PRDM11: variants seen among roughly 807,000 people sequenced by gnomAD.
PRDM11 encodes the protein PR domain-containing protein 11.
In PRDM11, 20 loss-of-function variants were observed where a neutral mutation model predicts 97.8. The observed-to-expected ratio is 0.20, with a 90% CI of 0.14 to 0.30. The LOEUF is 0.30. PRDM11 is among the 10% of genes least tolerant of loss of function. The pLI is 1.00. For missense variants in PRDM11, 1,139 were observed against 1,555.2 expected (o/e 0.73, Z 4.50); for synonymous variants, 599 against 637.7 (o/e 0.94, Z 0.91).
chr11:45,099,300 A>G (rs563953356), intron 1 of PRDM11, among the ~76,000 whole-genome samples: 1 of 152,000 alleles, frequency 6.6e-6, no homozygotes, highest in Non-Finnish European at 1.5e-5. Flanking sequence ...TAAAGATACA[A>G]AAAAATTAGG....
chr11:45,183,054 C>T lies in PRDM11; in HGVS notation c.417C>T (p.Gly139=). ...VRCVNEVIPK[G]HIFGPYEGQI... is the part of the protein sequence containing the mutation. ...GTGTAAACGAGGTCATCCCCAAGGG[C>T]CACATCTTCGGCCCCTATGAGGGGC... Residue 139 remains glycine (G), a synonymous_variant, in exon 4 of 8, where the codon GGC becomes GGT. Coordinates refer to ENST00000683152, the MANE Select transcript of PRDM11 (RefSeq NM_001384648.1). 6.2e-7 allele frequency: 1 copy of T among 1,614,132 alleles called. No homozygotes were observed. The highest frequency in any genetic ancestry group is 8.5e-7 in the Non-Finnish European group (1 of 1,180,016).
intron 5 of PRDM11, chr11:45,213,305 C>T: frequency 2.2e-6 from 1 of 456,390 alleles, no homozygotes; most frequent in Non-Finnish European, 4.4e-6. Flanking sequence ...GATCGTTCTC[C>T]TCTTGGTCTG....
chr11:45,182,798 C>T (rs1852558676), intron 3 of PRDM11, 63 bp from the exon 4 acceptor site: 2 of 1,501,142 alleles, frequency 1.3e-6, no homozygotes, highest in Non-Finnish European at 1.8e-6. Flanking sequence ...CCTCTACCTC[C>T]CCCATGGGGG....
At chr11:45,121,014 C>T (rs1428343346) in intron 1 of PRDM11, among the ~76,000 whole-genome samples, 3 of 151,584 alleles carry the variant, frequency 2.0e-5, no homozygotes, top group African/African-American at 7.3e-5. Context: ...TTTAGATCCA[C>T]TGAAAGAAAA....
chr11:45,137,937 C>T (rs1298991293), intron 1 of PRDM11, among the ~76,000 whole-genome samples: 1 of 151,960 alleles, frequency 6.6e-6, no homozygotes, highest in African/African-American at 2.4e-5. Context: ...TACACACACG[C>T]ACACATACAC....
At chr11:45,193,418 G>C (rs1852985286) in intron 4 of PRDM11, among the ~76,000 whole-genome samples, 1 of 152,198 alleles carries the variant, frequency 6.6e-6, no homozygotes, top group Non-Finnish European at 1.5e-5. Flanking sequence ...CAGTGGCATA[G>C]AACAAGGGTC....
chr11:45,178,424 C>T (rs1027577561), intron 1 of PRDM11, among the ~76,000 whole-genome samples: 2 of 152,162 alleles, frequency 1.3e-5, no homozygotes, highest in African/African-American at 4.8e-5. Flanking sequence ...ATCCTACCCC[C>T]TAGTGCTCCA....
intron 1 of PRDM11, among the ~76,000 whole-genome samples, chr11:45,172,321 A>C (rs147881506): frequency 6.6e-6 from 1 of 152,312 alleles, no homozygotes; most frequent in African/African-American, 2.4e-5. Flanking sequence ...CTTCATCTCC[A>C]GCCCCTCTTC....
intron 1 of PRDM11, among the ~76,000 whole-genome samples, chr11:45,141,519 C>G (rs886666222): frequency 6.6e-6 from 1 of 152,202 alleles, no homozygotes; most frequent in African/African-American, 2.4e-5. Context: ...TGAAAAGGAA[C>G]ACAGTGAAAG....
intron 1 of PRDM11, among the ~76,000 whole-genome samples, chr11:45,135,343 T>G (rs1852818487): frequency 6.6e-6 from 1 of 152,208 alleles, no homozygotes; most frequent in African/African-American, 2.4e-5. Context: ...TTCATAAATA[T>G]TTTTTAAAAG....
chr11:45,172,193 G>A (rs1021830658), intron 1 of PRDM11, among the ~76,000 whole-genome samples: 1 of 152,232 alleles, frequency 6.6e-6, no homozygotes, highest in Non-Finnish European at 1.5e-5. Flanking sequence ...GCAGGGCAAG[G>A]TGTAGAGGAA....
intron 1 of PRDM11, among the ~76,000 whole-genome samples, chr11:45,158,716 G>T (rs1006924437): frequency 3.3e-5 from 5 of 152,044 alleles, no homozygotes; most frequent in African/African-American, 9.7e-5. Context: ...CCTAACTCAG[G>T]CTTCGTCTTT....
chr11:45,114,219 G>C (rs79436164), intron 1 of PRDM11, among the ~76,000 whole-genome samples: 2 of 152,050 alleles, frequency 1.3e-5, no homozygotes, highest in African/African-American at 4.8e-5. Flanking sequence ...AATGAATAGA[G>C]GGAAAATCAC....
intron 1 of PRDM11, among the ~76,000 whole-genome samples, chr11:45,180,799 G>C (rs1195600064): frequency 6.6e-6 from 1 of 150,834 alleles, no homozygotes; most frequent in African/African-American, 2.4e-5. Context: ...GGCCCGAGAC[G>C]GGGCGGCCAC....
At chr11:45,214,234 A>G in intron 5 of PRDM11, 1 of 159,706 alleles carries the variant, frequency 6.3e-6, no homozygotes, top group Admixed American at 5.9e-5. Flanking sequence ...GAGTGTGGGG[A>G]GAAAACTGGG....
At position 45,182,964 on chromosome 11, in the gene PRDM11, G is replaced by A. The variant is rs143277934; in HGVS notation, c.327G>A (p.Ala109=). The change falls in exon 4 of 8, where the codon GCG becomes GCA. Residue 109 remains alanine, a synonymous_variant. Transcript: ENST00000683152. ...TPVPVGIPDR[A]ALTIPQGMEV... is the part of the protein sequence containing the mutation. ...TGCCCGTGGGCATCCCAGACCGGGC[G>A]GCGCTCACCATCCCACAGGGCATGG... 82 of 1,613,842 alleles carry A rather than the reference G, an allele frequency of 5.1e-5. No individual in the cohort carries two copies. The highest frequency in any genetic ancestry group is 1.6e-4 in the Middle Eastern group (1 of 6,080).
At chr11:45,155,172 C>T (rs770530184) in intron 1 of PRDM11, among the ~76,000 whole-genome samples, 2 of 152,210 alleles carry the variant, frequency 1.3e-5, no homozygotes, top group Non-Finnish European at 2.9e-5. Context: ...AATATGGAAC[C>T]GCCCCCACAA....
At chr11:45,142,352 C>T (rs1386849872), upstream of PRDM11, among the ~76,000 whole-genome samples, 1 of 152,172 alleles carries the variant, frequency 6.6e-6, no homozygotes, top group Non-Finnish European at 1.5e-5. Flanking sequence ...CTGCTCAGGG[C>T]CTTTGCACTG....
chr11:45,177,612 T>C (rs112085126), intron 1 of PRDM11, among the ~76,000 whole-genome samples: 1 of 152,204 alleles, frequency 6.6e-6, no homozygotes, highest in Non-Finnish European at 1.5e-5. Context: ...TAGAGATGTC[T>C]ATGGGCCACT....
Sources: allele counts gnomAD v4.1 joint callset (sites outside exome capture counted in the v4.1 genomes callset), GRCh38; gene constraint gnomAD v4.1.1; transcripts MANE v1.5; gene names NCBI Gene and HGNC (gene_info 2026-07-23, HGNC 2026-07-21).